GOLGA7: variants seen among roughly 807,000 people sequenced by gnomAD.
The protein encoded by GOLGA7 is golgin subfamily A member 7.
A neutral mutation model predicts 21.1 loss-of-function variants in GOLGA7; 10 were observed. The ratio of observed to expected loss-of-function variants is 0.47; its 90% confidence interval spans 0.29 to 0.80. GOLGA7 has a LOEUF of 0.80. Ranked by LOEUF, GOLGA7 falls within the 30% of genes least tolerant of loss-of-function variation. GOLGA7 has a pLI of 0.08. For missense variants in GOLGA7, 114 were observed against 166.8 expected (o/e 0.68, Z 1.74); for synonymous variants, 64 against 62.6 (o/e 1.02, Z -0.10).
At position 41,490,983 on chromosome 8, in the gene GOLGA7, C is replaced by T. The variant is rs202233974; in HGVS notation, c.111+18C>T. On this transcript the variant is annotated intron_variant, in intron 1 of 4. Coordinates refer to ENST00000357743, the MANE Select transcript of GOLGA7 (RefSeq NM_001002296.2). ...AGAACCGGGTACGCAACCTGGCTCC[C>T]CACGCCTGCTCTGGCGAGGGAGAGA... 2.8e-4 allele frequency: 378 copies of T among 1,369,820 alleles called. 3 individuals carry two copies. The South Asian group carries it at 3.2e-3, about 12-fold the overall frequency. The allele number at this position is 1,369,820 out of a possible 1,614,324, so 84.9% of individuals were successfully genotyped here. A position where few individuals can be genotyped will look rare whatever the true frequency, so the allele number is the denominator to read the frequency against.
chr8:41,492,761 A>T (rs1253254397), intron 1 of GOLGA7, among the ~76,000 whole-genome samples: 1 of 152,264 alleles, frequency 6.6e-6, no homozygotes, highest in African/African-American at 2.4e-5. Context: ...TGTACTTCAA[A>T]ATCAGAATAT....
At chr8:41,498,307 C>T (rs556369779) in intron 2 of GOLGA7, among the ~76,000 whole-genome samples, 1 of 152,300 alleles carries the variant, frequency 6.6e-6, no homozygotes, top group Non-Finnish European at 1.5e-5. Flanking sequence ...TTTTGCTTTT[C>T]TAAACTATCT....
chr8:41,505,188 A>T (rs1313320235), intron 2 of GOLGA7, among the ~76,000 whole-genome samples: 1 of 152,180 alleles, frequency 6.6e-6, no homozygotes, highest in Non-Finnish European at 1.5e-5. Flanking sequence ...TTTGTATCCT[A>T]TCTGGTTTTT....
At chr8:41,504,120 T>TAAAAAAAAAAA (rs58682911) in intron 2 of GOLGA7, among the ~76,000 whole-genome samples, 1 of 121,180 alleles carries the variant, frequency 8.3e-6, no homozygotes, top group African/African-American at 3.2e-5. Flanking sequence ...TAGAGTATAA[T>TAAAAAAAAAAA]AAAAAAAAAA....
chr8:41,495,299 T>C (rs377520296), intron 1 of GOLGA7, among the ~76,000 whole-genome samples: 78 of 151,976 alleles, frequency 5.1e-4, no homozygotes, highest in African/African-American at 1.9e-3. Context: ...TTCTTTCTTT[T>C]TTTGAGACAG....
chr8:41,505,919 G>A lies in GOLGA7; in HGVS notation c.273G>A (p.Lys91=). Reference sequence around the variant, plus strand: ...GTGTTTCTTTCTGTCAGGTTCTGAAGAAAGTCTCCAAATACATTCAAGAGC... The same window carrying A: ...GTGTTTCTTTCTGTCAGGTTCTGAAAAAAGTCTCCAAATACATTCAAGAGC... ...CMETHYEKVL[K]KVSKYIQEQN... is the part of the protein sequence containing the mutation. The change falls in exon 3 of 5, where the codon AAG becomes AAA. Residue 91 remains lysine, a synonymous_variant. Coordinates refer to ENST00000357743, the MANE Select transcript of GOLGA7 (RefSeq NM_001002296.2). 6.4e-7 allele frequency: 1 copy of A among 1,565,990 alleles called. No homozygotes were observed. The highest frequency in any genetic ancestry group is 8.8e-7 in the Non-Finnish European group (1 of 1,141,248).
chr8:41,505,847 T>TCAG, intron 2 of GOLGA7, 64 bp from the exon 3 acceptor site: 1 of 799,150 alleles, frequency 1.3e-6, no homozygotes, highest in Non-Finnish European at 2.1e-6. Context: ...TTTTGAGATC[T>TCAG]CACTAACACT....
intron 2 of GOLGA7, among the ~76,000 whole-genome samples, chr8:41,501,215 C>G (rs373171420): frequency 3.3e-5 from 5 of 152,144 alleles, no homozygotes; most frequent in South Asian, 4.2e-4. Context: ...AAATTAATCT[C>G]TCTGAATTCT....
intron 2 of GOLGA7, among the ~76,000 whole-genome samples, chr8:41,500,192 CAA>C (rs1806117142): frequency 6.6e-6 from 1 of 152,154 alleles, no homozygotes; most frequent in African/African-American, 2.4e-5. Flanking sequence ...AACAAGGAAA[CAA>C]AGCCAGCAAA....
chr8:41,494,909 A>G (rs779738738), intron 1 of GOLGA7, among the ~76,000 whole-genome samples: 26 of 152,088 alleles, frequency 1.7e-4, no homozygotes, highest in Admixed American at 6.6e-5. Flanking sequence ...ATGGTCATGA[A>G]TTGTTTTACA....
intron 1 of GOLGA7, among the ~76,000 whole-genome samples, chr8:41,491,619 T>C (rs190716247): frequency 6.6e-6 from 1 of 151,590 alleles, no homozygotes; most frequent in East Asian, 1.9e-4. Context: ...TTGGGCAACA[T>C]TGCAGGCAAA....
chr8:41,497,439 TTAA>T, intron 1 of GOLGA7, 67 bp from the exon 2 acceptor site: 1 of 836,182 alleles, frequency 1.2e-6, no homozygotes, highest in Non-Finnish European at 1.9e-6. Flanking sequence ...ACAAGATAAA[TTAA>T]TGATAGCATG....
upstream of GOLGA7, chr8:41,490,520 T>G: frequency 3.4e-6 from 1 of 295,280 alleles, no homozygotes; most frequent in South Asian, 3.9e-5. Context: ...AGACCTGAGG[T>G]AGGAGGCCGA....
chr8:41,490,737 T>G lies in GOLGA7; in HGVS notation c.-118T>G. ...GCGGGGCAGAGGAGGCCTTGGGCTG[T>G]TTTCGGCGGCGGGTGGGGGCGAGGG... On this transcript the variant is annotated 5_prime_UTR_variant, in exon 1 of 5. Transcript: ENST00000357743. 1 of 646,164 alleles carries G rather than the reference T, an allele frequency of 1.5e-6. No homozygotes were observed. The highest frequency in any genetic ancestry group is 1.8e-5 in the South Asian group (1 of 55,404). 40.0% of individuals were successfully genotyped at this position (646,164 alleles called of 1,614,324 possible).
Position 41,510,400 on chromosome 8 carries a change from G to A in GOLGA7, c.*832G>A, listed in dbSNP as rs1806393993. The A allele has an allele frequency of 1.3e-5, 2 of 152,500 alleles. No individual in the cohort carries two copies. The highest frequency in any genetic ancestry group is 4.8e-5 in the African/African-American group (2 of 41,396). 9.4% of individuals were successfully genotyped at this position (152,500 alleles called of 1,614,324 possible). ...GTGTCCCTGGATATGGAATAAGCAG[G>A]TATAAAAAATATTTTAATTATAGTT... On this transcript the variant is annotated 3_prime_UTR_variant, in exon 5 of 5. Coordinates refer to ENST00000357743, the MANE Select transcript of GOLGA7 (RefSeq NM_001002296.2).
At chr8:41,493,969 C>T (rs1158445019) in intron 1 of GOLGA7, among the ~76,000 whole-genome samples, 1 of 152,150 alleles carries the variant, frequency 6.6e-6, no homozygotes, top group Non-Finnish European at 1.5e-5. Context: ...TGAAGTTTGT[C>T]GTTTGCCTTT....
At chr8:41,498,781 G>A (rs1806080450) in intron 2 of GOLGA7, among the ~76,000 whole-genome samples, 1 of 152,152 alleles carries the variant, frequency 6.6e-6, no homozygotes, top group Non-Finnish European at 1.5e-5. Flanking sequence ...TAACCATTTT[G>A]TATCCCTCTT....
At chr8:41,507,867 T>C (rs193157413) in intron 4 of GOLGA7, among the ~76,000 whole-genome samples, 1 of 152,318 alleles carries the variant, frequency 6.6e-6, no homozygotes, top group East Asian at 1.9e-4. Context: ...ACTGTGCTTA[T>C]AGGTATCTGT....
intron 1 of GOLGA7, among the ~76,000 whole-genome samples, chr8:41,493,292 T>C (rs1318074097): frequency 1.3e-5 from 2 of 152,324 alleles, no homozygotes; most frequent in East Asian, 3.9e-4. Flanking sequence ...TTTTACTGAT[T>C]GCTCTGCTAT....
Sources: gnomAD v4.1 joint callset for allele counts (sites outside exome capture counted in the v4.1 genomes callset) on GRCh38, gnomAD v4.1.1 for gene constraint, MANE v1.5 for transcripts, NCBI Gene and HGNC (gene_info 2026-07-23, HGNC 2026-07-21) for gene names.